The following DAPK1 variants were observed in gnomAD, a reference collection of about 807,000 sequenced individuals.
The protein encoded by DAPK1 is death associated protein kinase 1, also known as death-associated protein kinase 1.
Under a neutral mutation model 144.9 loss-of-function variants are expected in DAPK1, and 56 were observed. That is an observed-to-expected ratio of 0.39 (90% CI 0.31 to 0.48). The LOEUF is 0.48. Ranked by LOEUF, DAPK1 falls within the 20% of genes least tolerant of loss-of-function variation. DAPK1 has a pLI of 0.95. For missense variants in DAPK1, 1,454 were observed against 1,875.4 expected, an observed-to-expected ratio of 0.78 and a Z score of 4.15; for synonymous variants, 690 against 749.0, an observed-to-expected ratio of 0.92 and a Z score of 1.29.
chr9:87,548,491 C>T (rs902241808), intron 2 of DAPK1, among the ~76,000 whole-genome samples: 1 of 152,108 alleles, frequency 6.6e-6, no homozygotes, highest in African/African-American at 2.4e-5. Flanking sequence ...GTAAGGTAGT[C>T]AATAGAAAAC....
At position 87,668,687 on chromosome 9, in the gene DAPK1, G is replaced by A. The variant is rs755888467; in HGVS notation, c.2001+13G>A. On this transcript the variant is annotated intron_variant, in intron 19 of 25. Coordinates refer to ENST00000408954, the MANE Select transcript of DAPK1 (RefSeq NM_004938.4). Reference sequence around the variant, plus strand: ...AAGACTTCGAAAGGTGAGAAGTTCTGTTATAGGTCTGAAGTTCTCTACCTG... The same window carrying A: ...AAGACTTCGAAAGGTGAGAAGTTCTATTATAGGTCTGAAGTTCTCTACCTG... 9.2e-7 allele frequency: 1 copy of A among 1,090,462 alleles called. No homozygotes were observed. Among genetic ancestry groups the A allele is most frequent in the Non-Finnish European group, 1.4e-6 (1 of 701,038 alleles). 67.5% of individuals were successfully genotyped at this position (1,090,462 alleles called of 1,614,324 possible). A position where few individuals can be genotyped will look rare whatever the true frequency, so the allele number is the denominator to read the frequency against.
At chr9:87,600,936 C>T (rs565294108) in intron 2 of DAPK1, among the ~76,000 whole-genome samples, 1 of 152,258 alleles carries the variant, frequency 6.6e-6, no homozygotes, top group East Asian at 1.9e-4. Context: ...CTGAGCTCGC[C>T]CTTGAAGCTG....
intron 3 of DAPK1, among the ~76,000 whole-genome samples, chr9:87,628,102 G>A (rs36209740): frequency 6.6e-6 from 1 of 152,266 alleles, no homozygotes; most frequent in East Asian, 1.9e-4. Flanking sequence ...ACCTTCAGGA[G>A]GCTCCTTCCT....
intron 21 of DAPK1, among the ~76,000 whole-genome samples, chr9:87,693,276 A>AT (rs1825140372): frequency 2.0e-5 from 3 of 150,746 alleles, no homozygotes; most frequent in Admixed American, 1.3e-4. Flanking sequence ...TTTTATTTTT[A>AT]TTTTTTTAAT....
chr9:87,528,544 T>A (rs920696740), intron 2 of DAPK1, among the ~76,000 whole-genome samples: 1 of 152,062 alleles, frequency 6.6e-6, no homozygotes, highest in African/African-American at 2.4e-5. Context: ...TAATCCCTCT[T>A]CCTGGAATGC....
chr9:87,549,688 C>T (rs749288895), intron 2 of DAPK1, among the ~76,000 whole-genome samples: 8 of 152,176 alleles, frequency 5.3e-5, no homozygotes, highest in Non-Finnish European at 1.2e-4. Context: ...TTTTACATTG[C>T]TTTTATGACG....
At chr9:87,616,265 G>A (rs1225341934) in intron 3 of DAPK1, among the ~76,000 whole-genome samples, 1 of 152,196 alleles carries the variant, frequency 6.6e-6, no homozygotes, top group Non-Finnish European at 1.5e-5. Context: ...TGTGATAGTG[G>A]CATGTGCCTA....
chr9:87,587,382 C>T (rs531198369), intron 2 of DAPK1, among the ~76,000 whole-genome samples: 1 of 152,340 alleles, frequency 6.6e-6, no homozygotes, highest in East Asian at 1.9e-4. Flanking sequence ...AGAATAAGTA[C>T]TGGTCTTGCA....
At chr9:87,518,278 A>ATTT (rs1188386875) in intron 2 of DAPK1, among the ~76,000 whole-genome samples, 3 of 124,586 alleles carry the variant, frequency 2.4e-5, no homozygotes, top group Non-Finnish European at 3.4e-5. Flanking sequence ...CACCCAGCTA[A>ATTT]TTTTTTTTTT....
chr9:87,645,857 A>G (rs1564042700), intron 11 of DAPK1, 38 bp from the exon 12 acceptor site: 1 of 1,606,214 alleles, frequency 6.2e-7, no homozygotes, highest in Non-Finnish European at 8.5e-7. Context: ...CATGGCTAGC[A>G]ATGTAACTCT....
At chr9:87,655,544 G>A (rs1049528554) in intron 17 of DAPK1, among the ~76,000 whole-genome samples, 16 of 152,106 alleles carry the variant, frequency 1.1e-4, no homozygotes, top group African/African-American at 2.2e-4. Context: ...TCTCCATTGC[G>A]TGGTCTTGCC....
chr9:87,674,095 G>A (rs1455229875), intron 19 of DAPK1, among the ~76,000 whole-genome samples: 2 of 152,154 alleles, frequency 1.3e-5, no homozygotes, highest in Non-Finnish European at 2.9e-5. Flanking sequence ...TATAATCACT[G>A]CAAGTTCCAT....
chr9:87,619,470 G>T (rs924635457), intron 3 of DAPK1, among the ~76,000 whole-genome samples: 2 of 152,184 alleles, frequency 1.3e-5, no homozygotes, highest in African/African-American at 4.8e-5. Context: ...CTGAGGAACC[G>T]CAATGAGGAG....
At chr9:87,678,205 T>A (rs773519712) in intron 19 of DAPK1, among the ~76,000 whole-genome samples, 6 of 152,240 alleles carry the variant, frequency 3.9e-5, no homozygotes, top group African/African-American at 2.4e-5. Context: ...ACACACCTTG[T>A]GTCACGCTCC....
intron 2 of DAPK1, among the ~76,000 whole-genome samples, chr9:87,518,278 ATTTTTTT>A (rs1188386875): frequency 8.0e-5 from 10 of 124,586 alleles, no homozygotes; most frequent in African/African-American, 2.5e-4. Context: ...CACCCAGCTA[ATTTTTTT>A]TTTTTTTTTT....
chr9:87,582,193 T>C (rs1029596265), intron 2 of DAPK1, among the ~76,000 whole-genome samples: 2 of 151,952 alleles, frequency 1.3e-5, no homozygotes, highest in African/African-American at 4.8e-5. Flanking sequence ...CGTAAAACAA[T>C]TGTGAAAGAG....
At chr9:87,700,875 A>G (rs1011445626) in intron 24 of DAPK1, among the ~76,000 whole-genome samples, 1 of 152,216 alleles carries the variant, frequency 6.6e-6, no homozygotes, top group African/African-American at 2.4e-5. Context: ...AAGTAGAAAA[A>G]CAGTCACAAA....
At chr9:87,644,938 T>C (rs1251396454) in intron 11 of DAPK1, among the ~76,000 whole-genome samples, 1 of 152,256 alleles carries the variant, frequency 6.6e-6, no homozygotes, top group Non-Finnish European at 1.5e-5. Flanking sequence ...TTGACTTCAA[T>C]TGTGATAGAA....
intron 2 of DAPK1, among the ~76,000 whole-genome samples, chr9:87,504,312 G>C (rs565335672): frequency 6.6e-6 from 1 of 152,184 alleles, no homozygotes. Context: ...TTTTAGGAAG[G>C]TCTAATAATA....
Sources: gnomAD v4.1 joint callset for allele counts (sites outside exome capture counted in the v4.1 genomes callset) on GRCh38, gnomAD v4.1.1 for gene constraint, MANE v1.5 for transcripts, NCBI Gene and HGNC (gene_info 2026-07-23, HGNC 2026-07-21) for gene names.